Variants in NCKIPSD observed in about 807,000 individuals in gnomAD.
NCKIPSD encodes the protein NCK-interacting protein with SH3 domain.
Under a neutral mutation model 73.4 loss-of-function variants are expected in NCKIPSD, and 48 were observed. That is an observed-to-expected ratio of 0.65 (90% confidence interval 0.52 to 0.83). The LOEUF is 0.83. Ranked by LOEUF, NCKIPSD falls within the 40% of genes least tolerant of loss-of-function variation. The pLI is 0.00. For missense variants in NCKIPSD, 884 were observed against 970.2 expected (o/e 0.91, Z 1.18); for synonymous variants, 422 against 403.6 (o/e 1.05, Z -0.54).
chr3:48,679,511 GCAGATGGCAGGAACACCCTC>G, intron 8 of NCKIPSD, 44 bp downstream of exon 8: 2 of 1,607,008 alleles, frequency 1.2e-6, no homozygotes, highest in Non-Finnish European at 1.7e-6. Flanking sequence ...GGAAACCCCA[GCAGATGGCAGGAACACCCTC>G]CAGATAGCAG....
intron 12 of NCKIPSD, among the ~76,000 whole-genome samples, chr3:48,675,495 C>CTATA (rs1415988021): frequency 1.6e-5 from 2 of 128,004 alleles, no homozygotes; most frequent in Admixed American, 8.1e-5. Flanking sequence ...CCCTTATGAT[C>CTATA]TATATATATA....
In NCKIPSD at chr3:48,682,341, C is replaced by A. The variant is rs1470771174; in HGVS notation, c.486+7G>T. On this transcript the variant is annotated splice_region_variant and intron_variant, in intron 3 of 12. Coordinates refer to ENST00000294129, the MANE Select transcript of NCKIPSD (RefSeq NM_016453.4). ...CCTCCCTTCTCCACGATGTCCTCCCCACACACCTGGTAGAGGCCTCCATCT... is the reference window on the plus strand; with the variant it reads ...CCTCCCTTCTCCACGATGTCCTCCCAACACACCTGGTAGAGGCCTCCATCT... The A allele has an allele frequency of 1.2e-6, 2 of 1,613,766 alleles. No homozygotes were observed. Among genetic ancestry groups the A allele is most frequent in the East Asian group, 4.5e-5 (2 of 44,874 alleles).
intron 11 of NCKIPSD, 36 bp downstream of exon 11, chr3:48,678,841 T>C (rs1213122163): frequency 2.5e-6 from 4 of 1,613,690 alleles, no homozygotes; most frequent in Non-Finnish European, 3.4e-6. Flanking sequence ...TCACAGGGCA[T>C]GGAAGTGGTA....
chr3:48,681,707 G>A lies in NCKIPSD; in HGVS notation c.672C>T (p.Asp224=), dbSNP rs1165120401. The change falls in exon 5 of 13, where the codon GAC becomes GAT. Residue 224 remains aspartate (D), a synonymous_variant. Transcript: ENST00000294129. ...SGSSVSSTSL[D]TLYTSSSPSE... is the part of the protein sequence containing the mutation. Reference sequence around the variant, plus strand: ...ATGGGCTGGAGCTGGTATAGAGCGTGTCCAGGGAGGTGCTGCTGACTGAGG... The same window carrying A: ...ATGGGCTGGAGCTGGTATAGAGCGTATCCAGGGAGGTGCTGCTGACTGAGG... 1 of 1,561,162 alleles carries A rather than the reference G, an allele frequency of 6.4e-7. No homozygotes were observed. The highest frequency in any genetic ancestry group is 1.4e-5 in the African/African-American group (1 of 73,606).
intron 12 of NCKIPSD, among the ~76,000 whole-genome samples, chr3:48,675,292 A>G (rs914234524): frequency 6.6e-6 from 1 of 151,880 alleles, no homozygotes; most frequent in Non-Finnish European, 1.5e-5. Flanking sequence ...CTTTAGAAAG[A>G]GCACTGTTGC....
intron 1 of NCKIPSD, among the ~76,000 whole-genome samples, chr3:48,684,177 G>C (rs542161161): frequency 6.6e-6 from 1 of 152,128 alleles, no homozygotes; most frequent in Non-Finnish European, 1.5e-5. Context: ...GAGTCGGAAC[G>C]ACACAGGCAG....
chr3:48,675,523 TATATG>T (rs1443151707), intron 12 of NCKIPSD, among the ~76,000 whole-genome samples: 2 of 74,918 alleles, frequency 2.7e-5, no homozygotes, highest in Non-Finnish European at 5.0e-5. Flanking sequence ...TATATATATA[TATATG>T]ATATATATAT....
rs1237083895 is a variant in NCKIPSD at position 48,679,064 on chromosome 3, G to T, written c.1690C>A (p.His564Asn). Reference protein sequence around the residue: ...CVNLLLALNLHLPAADQNVIM... With the variant: ...CVNLLLALNLNLPAADQNVIM... The stretch of plus-strand genomic sequence containing the variant: ...CCAGGCCCCACCCCACCTGGCAGGT[G>T]CAGGTTGAGAGCCAGAAGCAGGTTC... The change falls in exon 10 of 13, where the codon CAC becomes AAC. Residue 564 changes from histidine (H) to asparagine (N), a missense_variant. His to Asn is a moderately conservative substitution (Grantham distance 68). Coordinates refer to ENST00000294129, the MANE Select transcript of NCKIPSD (RefSeq NM_016453.4). 1.5e-5 allele frequency: 25 copies of T among 1,614,036 alleles called. No homozygotes were observed. The highest frequency in any genetic ancestry group is 1.9e-5 in the Non-Finnish European group (22 of 1,180,024).
chr3:48,682,749 C>T, intron 2 of NCKIPSD, 154 bp downstream of exon 2: 1 of 1,243,630 alleles, frequency 8.0e-7, no homozygotes, highest in Non-Finnish European at 1.1e-6. Flanking sequence ...CACTGAAGGA[C>T]CCGACCCCAC....
chr3:48,674,852 G>A lies in NCKIPSD; in HGVS notation c.1966-105C>T, dbSNP rs1217352313. ...CCACAGACCCCAGGGCTGTGGACCT[G>A]AACATCAGGGCTGCATCCCCAGCAC... On this transcript the variant is annotated intron_variant, in intron 12 of 12. Transcript: ENST00000294129. 2.8e-5 allele frequency: 32 copies of A among 1,157,414 alleles called. No homozygotes were observed. The Admixed American group carries it at 5.1e-4, about 18-fold the overall frequency. The allele number at this position is 1,157,414 out of a possible 1,614,324, so 71.7% of individuals were successfully genotyped here.
chr3:48,675,389 G>A (rs1165908590), intron 12 of NCKIPSD, among the ~76,000 whole-genome samples: 2 of 151,032 alleles, frequency 1.3e-5, no homozygotes, highest in African/African-American at 4.9e-5. Context: ...TCTAAGACCT[G>A]GCCATCCTAC....
intron 2 of NCKIPSD, 115 bp from the exon 3 acceptor site, chr3:48,682,667 C>T (rs2077374606): frequency 8.1e-7 from 1 of 1,234,218 alleles, no homozygotes; most frequent in Non-Finnish European, 1.1e-6. Context: ...ATCCCCATCT[C>T]CTCCATGCTC....
Position 48,681,643 on chromosome 3 carries a change from C to G in NCKIPSD, c.736G>C (p.Val246Leu), listed in dbSNP as rs2077354743. 6.2e-7 allele frequency: 1 copy of G among 1,612,086 alleles called. No homozygotes were observed. Among genetic ancestry groups the G allele is most frequent in the Non-Finnish European group, 8.5e-7 (1 of 1,179,138 alleles). The change falls in exon 5 of 13, where the codon GTG (valine) becomes CTG (leucine). Residue 246 changes from valine to leucine, a missense_variant. Transcript: ENST00000294129. ...GTGGTGTGGGTGCCTCGGCGGGGCA[C>G]AGGTGGGGGTGTGGGTGAGCAGCTG... ...GSSCSPTPPP[V>L]PRRGTHTTVS... is the part of the protein sequence containing the mutation.
Position 48,681,593 on chromosome 3 carries a change from G to A in NCKIPSD, c.786C>T (p.Pro262=). ...HTTVSQVQPP[P]SKASAPEPPA... ...GGGGTTCAGGTGCTGATGCCTTGGA[G>A]GGAGGGGGCTGGACTTGGGACACGG... The change falls in exon 5 of 13, where the codon CCC becomes CCT. Residue 262 remains proline, a synonymous_variant. Coordinates refer to ENST00000294129, the MANE Select transcript of NCKIPSD (RefSeq NM_016453.4). The A allele has an allele frequency of 6.2e-7, 1 of 1,614,024 alleles. No homozygotes were observed. The highest frequency in any genetic ancestry group is 1.1e-5 in the South Asian group (1 of 91,080).
At chr3:48,679,535 A>G in intron 8 of NCKIPSD, 40 bp downstream of exon 8, 1 of 1,610,068 alleles carries the variant, frequency 6.2e-7, no homozygotes, top group Non-Finnish European at 8.5e-7. Context: ...CACCCTCCAG[A>G]TAGCAGGAAG....
At position 48,682,188 on chromosome 3, in the gene NCKIPSD, G is replaced by C. The variant is rs373688174; in HGVS notation, c.487-32C>G. The C allele has an allele frequency of 5.5e-5, 87 of 1,586,304 alleles. No individual in the cohort carries two copies. The South Asian group carries it at 9.1e-4, about 17-fold the overall frequency. On this transcript the variant is annotated intron_variant, in intron 3 of 12. Coordinates refer to ENST00000294129, the MANE Select transcript of NCKIPSD (RefSeq NM_016453.4). ...GATGGAAGTAGGATCTTGGAGGACAGACTGACATCTAGAGCGTCAGCGAGG... is the reference window on the plus strand; with the variant it reads ...GATGGAAGTAGGATCTTGGAGGACACACTGACATCTAGAGCGTCAGCGAGG...
intron 1 of NCKIPSD, 119 bp from the exon 2 acceptor site, chr3:48,683,131 G>A (rs997480323): frequency 6.6e-7 from 1 of 1,506,340 alleles, no homozygotes; most frequent in Non-Finnish European, 8.9e-7. Context: ...TGGAATGCTA[G>A]ACATAGCACA....
Position 48,685,848 on chromosome 3 carries a change from G to T in NCKIPSD, c.-41C>A, listed in dbSNP as rs560199243. The stretch of plus-strand genomic sequence containing the variant: ...AGGTGCAGGGAAGGTGGCAAGGGCT[G>T]CGGCGCCACAACGCCAGGCCGGGAG... On this transcript the variant is annotated 5_prime_UTR_variant, in exon 1 of 13. Coordinates refer to ENST00000294129, the MANE Select transcript of NCKIPSD (RefSeq NM_016453.4). The T allele has an allele frequency of 4.4e-6, 6 of 1,368,364 alleles. No homozygotes were observed. Among genetic ancestry groups the T allele is most frequent in the Admixed American group, 7.6e-5 (2 of 26,302 alleles). 84.8% of individuals were successfully genotyped at this position (1,368,364 alleles called of 1,614,324 possible). A position where few individuals can be genotyped will look rare whatever the true frequency, so the allele number is the denominator to read the frequency against.
At position 48,685,017 on chromosome 3, in the gene NCKIPSD, T is replaced by C. The variant is rs572960046; in HGVS notation, c.171+620A>G. Among the ~76,000 whole-genome samples the C allele has an allele frequency of 9.2e-5, 14 of 151,628 alleles. No homozygotes were observed. In the East Asian group the frequency reaches 2.7e-3, roughly 29 times the overall value. On this transcript the variant is annotated intron_variant, in intron 1 of 12. Coordinates refer to ENST00000294129, the MANE Select transcript of NCKIPSD (RefSeq NM_016453.4). ...CTGAACACAGGCTAGTGAAAGACAC[T>C]GAAGTACCAAAGCTTGGGTGTTACA...
Sources: gnomAD v4.1 joint callset for allele counts (sites outside exome capture counted in the v4.1 genomes callset) on GRCh38, gnomAD v4.1.1 for gene constraint, MANE v1.5 for transcripts, NCBI Gene and HGNC (gene_info 2026-07-23, HGNC 2026-07-21) for gene names.